FARSB: variants seen among roughly 807,000 people sequenced by gnomAD.
The protein encoded by FARSB is phenylalanyl-tRNA synthetase subunit beta.
In FARSB, 40 loss-of-function variants were observed where a neutral mutation model predicts 69.6. That is an observed-to-expected ratio of 0.57 (90% CI 0.45 to 0.75). FARSB has a LOEUF of 0.75. FARSB is among the 30% of genes least tolerant of loss of function. FARSB has a pLI of 0.00. For missense variants in FARSB, 632 were observed against 722.9 expected, an observed-to-expected ratio of 0.87 and a Z score of 1.44; for synonymous variants, 235 against 247.2, an observed-to-expected ratio of 0.95 and a Z score of 0.46.
chr2:222,604,847 A>G (rs1254477479), intron 15 of FARSB, among the ~76,000 whole-genome samples: 4 of 150,390 alleles, frequency 2.7e-5, no homozygotes, highest in Non-Finnish European at 5.9e-5. Context: ...TGCTAAGGCT[A>G]CAGGCATGAG....
chr2:222,627,774 G>A (rs1691315115), intron 10 of FARSB, among the ~76,000 whole-genome samples: 1 of 152,186 alleles, frequency 6.6e-6, no homozygotes. Flanking sequence ...CCGGAATGGG[G>A]AGGTTTTGAT....
At chr2:222,573,843 C>A (rs964644561) in intron 16 of FARSB, among the ~76,000 whole-genome samples, 5 of 152,144 alleles carry the variant, frequency 3.3e-5, no homozygotes, top group African/African-American at 9.7e-5. Context: ...TCAACGGGTA[C>A]GTGTTCAAGT....
At chr2:222,589,466 G>A (rs1690206278) in intron 16 of FARSB, among the ~76,000 whole-genome samples, 1 of 152,008 alleles carries the variant, frequency 6.6e-6, no homozygotes, top group Non-Finnish European at 1.5e-5. Context: ...AGGACTTCAT[G>A]ACTAAAACAC....
chr2:222,633,299 A>C lies in FARSB; in HGVS notation c.615T>G (p.Asn205Lys). 1 of 1,489,478 alleles carries C rather than the reference A, an allele frequency of 6.7e-7. No homozygotes were observed. Among genetic ancestry groups the C allele is most frequent in the Non-Finnish European group, 9.2e-7 (1 of 1,084,284 alleles). 92.3% of individuals were successfully genotyped at this position (1,489,478 alleles called of 1,614,324 possible). Residue 205 changes from asparagine (N) to lysine (K), a missense_variant, in exon 7 of 17, where the codon AAT becomes AAG. Transcript: ENST00000281828. ...TGATATGTAAATAATGTTTCAGGTG[A>C]TTGTCAGTCTGAAAACAAATTAAGT... ...CELMNIYKTDNHLKHYLHIIE... is the reference protein window; with the variant it reads ...CELMNIYKTDKHLKHYLHIIE...
chr2:222,624,156 T>G (rs1691208179), intron 12 of FARSB, 116 bp downstream of exon 12: 5 of 726,230 alleles, frequency 6.9e-6, no homozygotes, highest in Non-Finnish European at 9.8e-6. Context: ...TGCCTCTCAT[T>G]GCAGAGCATG....
chr2:222,625,028 TC>T (rs1399166658), intron 10 of FARSB, among the ~76,000 whole-genome samples: 2 of 152,206 alleles, frequency 1.3e-5, no homozygotes. Context: ...CAAACAATTT[TC>T]CCTTTCAGAT....
In FARSB at chr2:222,615,371, G is replaced by A. The variant is rs916679275; in HGVS notation, c.1345-1443C>T. Among the ~76,000 whole-genome samples the A allele has an allele frequency of 2.0e-5, 3 of 152,162 alleles. No homozygotes were observed. The South Asian group carries it at 6.2e-4, about 31-fold the overall frequency. On this transcript the variant is annotated intron_variant, in intron 14 of 16. Coordinates refer to ENST00000281828, the MANE Select transcript of FARSB (RefSeq NM_005687.5). ...GAGTGGTCCTTTAAGATGGAAATCA[G>A]ACCATGCAACTCCCCTGGTCAAAAA...
rs1692168085 is a variant in FARSB at position 222,656,052 on chromosome 2, G to A, written c.22C>T (p.Arg8Cys). The A allele has an allele frequency of 1.9e-6, 3 of 1,597,176 alleles. No individual in the cohort carries two copies. The highest frequency in any genetic ancestry group is 2.6e-6 in the Non-Finnish European group (3 of 1,173,204). The change falls in exon 1 of 17, where the codon CGT becomes TGT. Residue 8 changes from arginine (R) to cysteine (C), a missense_variant. By Grantham distance (180) the Arg-to-Cys change is radical. Transcript: ENST00000281828. The stretch of plus-strand genomic sequence containing the variant: ...CCCAGGGCTTGGAAGAGCAGATCAC[G>A]CTTCACGCTGACAGTCGGCATGGTG... MPTVSVKRDLLFQALGRT... is the reference protein window; with the variant it reads MPTVSVKCDLLFQALGRT...
intron 1 of FARSB, 131 bp from the exon 2 acceptor site, chr2:222,648,926 T>C: frequency 1.1e-5 from 8 of 718,392 alleles, no homozygotes; most frequent in Non-Finnish European, 1.5e-5. Context: ...CATCACATAT[T>C]ATCATTTAAA....
intron 16 of FARSB, among the ~76,000 whole-genome samples, chr2:222,584,790 G>A (rs1294720257): frequency 2.0e-5 from 3 of 152,242 alleles, no homozygotes; most frequent in African/African-American, 4.8e-5. Flanking sequence ...GCAAGGCTGG[G>A]GGAGGGGCAT....
chr2:222,616,809 G>A (rs945116052), intron 14 of FARSB, among the ~76,000 whole-genome samples: 2 of 152,148 alleles, frequency 1.3e-5, no homozygotes, highest in African/African-American at 4.8e-5. Context: ...AAGAAACTGA[G>A]TTATAGGCCC....
intron 15 of FARSB, among the ~76,000 whole-genome samples, chr2:222,608,436 T>C (rs1430297530): frequency 2.6e-5 from 4 of 152,144 alleles, no homozygotes; most frequent in Admixed American, 1.3e-4. Context: ...TCGTAACTTA[T>C]AAGACAGATA....
rs1036534668 is a variant in FARSB, at chr2:222,637,974, C to T, written c.455+1606G>A. Among the ~76,000 whole-genome samples the T allele has an allele frequency of 9.2e-5, 14 of 151,896 alleles. 1 individual carries two copies. The highest frequency in any genetic ancestry group is 4.1e-4 in the South Asian group (2 of 4,824). On this transcript the variant is annotated intron_variant, in intron 5 of 16. Transcript: ENST00000281828. Reference sequence around the variant, plus strand: ...TCCAGCCTGGACAACAGAGAAAAACCCTGTCTCAAAACAAACAAACAAACA... The same window carrying T: ...TCCAGCCTGGACAACAGAGAAAAACTCTGTCTCAAAACAAACAAACAAACA...
intron 15 of FARSB, among the ~76,000 whole-genome samples, chr2:222,612,112 G>A (rs1690871126): frequency 6.6e-6 from 1 of 152,120 alleles, no homozygotes; most frequent in Non-Finnish European, 1.5e-5. Flanking sequence ...ATTTGACAAT[G>A]GAATTATATC....
intron 1 of FARSB, 119 bp downstream of exon 1, chr2:222,655,897 C>T (rs910617164): frequency 3.7e-6 from 3 of 802,994 alleles, no homozygotes; most frequent in African/African-American, 3.5e-5. Flanking sequence ...CCGCGTAAAC[C>T]CCGGCCTCCC....
intron 15 of FARSB, among the ~76,000 whole-genome samples, chr2:222,604,853 A>C (rs1180455503): frequency 6.6e-6 from 1 of 151,256 alleles, no homozygotes; most frequent in Non-Finnish European, 1.5e-5. Context: ...GGCTACAGGC[A>C]TGAGCCACCA....
At chr2:222,638,379 T>A (rs1282741281) in intron 5 of FARSB, among the ~76,000 whole-genome samples, 1 of 152,228 alleles carries the variant, frequency 6.6e-6, no homozygotes, top group African/African-American at 2.4e-5. Context: ...TTAAAATAAC[T>A]TCTTAAAATA....
At chr2:222,572,461 A>G (rs1195824358) in intron 16 of FARSB, among the ~76,000 whole-genome samples, 2 of 152,306 alleles carry the variant, frequency 1.3e-5, no homozygotes, top group Admixed American at 6.5e-5. Flanking sequence ...TGGATAAGAC[A>G]TCGACACTGA....
intron 3 of FARSB, among the ~76,000 whole-genome samples, chr2:222,642,560 G>C (rs936268697): frequency 1.3e-5 from 2 of 152,178 alleles, no homozygotes; most frequent in Non-Finnish European, 2.9e-5. Context: ...AGATCACGGA[G>C]GGGAATCACA....
Sources: allele counts gnomAD v4.1 joint callset (sites outside exome capture counted in the v4.1 genomes callset), GRCh38; gene constraint gnomAD v4.1.1; transcripts MANE v1.5; gene names NCBI Gene and HGNC (gene_info 2026-07-23, HGNC 2026-07-21).